The following ABCC8 variants were observed in gnomAD, a reference collection of about 807,000 sequenced individuals.
The protein encoded by ABCC8 is ATP-binding cassette sub-family C member 8.
ABCC8 carries 137 observed loss-of-function variants against 188.0 expected under a neutral mutation model. The ratio of observed to expected loss-of-function variants is 0.73; its 90% CI spans 0.63 to 0.84. ABCC8 has a LOEUF of 0.84. ABCC8 is among the 40% of genes least tolerant of loss of function. ABCC8 has a pLI of 0.00. For missense variants in ABCC8, 1,750 were observed against 2,072.7 expected (o/e 0.84, Z 3.02); for synonymous variants, 797 against 846.5 (o/e 0.94, Z 1.01).
rs2133710163 is a variant in ABCC8 at position 17,469,974 on chromosome 11, AT to A, written c.412+126del. 7.3e-6 allele frequency: 9 copies of A among 1,238,656 alleles called. No homozygotes were observed. The East Asian group carries it at 1.2e-4, about 17-fold the overall frequency. The allele number at this position is 1,238,656 out of a possible 1,614,324, so 76.7% of individuals were successfully genotyped here. A position where few individuals can be genotyped will look rare whatever the true frequency, so the allele number is the denominator to read the frequency against. On this transcript the variant is annotated intron_variant, in intron 3 of 38. Coordinates refer to ENST00000389817, the MANE Select transcript of ABCC8 (RefSeq NM_000352.6). ...GACTGTAAGCTCCATGAAGGCAGGG[AT>A]TTTTTTCTTTTTCTATTCCAAATCT...
rs1006190155 is a variant in ABCC8 at position 17,469,470 on chromosome 11, G to A, written c.412+631C>T. Among the ~76,000 whole-genome samples, 9 of 152,126 alleles carry A rather than the reference G, an allele frequency of 5.9e-5. No homozygotes were observed. The East Asian group carries it at 1.7e-3, about 29-fold the overall frequency. On this transcript the variant is annotated intron_variant, in intron 3 of 38. Transcript: ENST00000389817. Reference sequence around the variant, plus strand: ...CTCCTGTCCTGACCTCCCCATGAAAGCCCAACTTGACACTTGAGTTGGCTG... The same window carrying A: ...CTCCTGTCCTGACCTCCCCATGAAAACCCAACTTGACACTTGAGTTGGCTG...
chr11:17,450,678 T>G (rs1956779427), intron 7 of ABCC8, among the ~76,000 whole-genome samples: 1 of 133,610 alleles, frequency 7.5e-6, no homozygotes, highest in Non-Finnish European at 1.6e-5. Flanking sequence ...ATTACAGGCA[T>G]GAGCCACTTT....
chr11:17,397,279 A>T lies in ABCC8; in HGVS notation c.3902T>A (p.Leu1301Gln), dbSNP rs1246841701. 1 of 1,613,208 alleles carries T rather than the reference A, an allele frequency of 6.2e-7. No individual in the cohort carries two copies. The highest frequency in any genetic ancestry group is 2.2e-5 in the East Asian group (1 of 44,880). ...CCCCAGCTGGAGCTCCATGTCTGCCAGGTTCCTCACCATCCAGTTGAGGTA... is the reference window on the plus strand; with the variant it reads ...CCCCAGCTGGAGCTCCATGTCTGCCTGGTTCCTCACCATCCAGTTGAGGTA... ...SNYLNWMVRNLADMELQLGAV... is the reference protein window; with the variant it reads ...SNYLNWMVRNQADMELQLGAV... The change falls in exon 32 of 39, where the codon CTG becomes CAG. Residue 1301 changes from leucine to glutamine, a missense_variant. Coordinates refer to ENST00000389817, the MANE Select transcript of ABCC8 (RefSeq NM_000352.6).
chr11:17,467,042 C>CCACACACACACACACACACACACACA (rs569546580), intron 3 of ABCC8, among the ~76,000 whole-genome samples: 1 of 132,312 alleles, frequency 7.6e-6, no homozygotes, highest in Non-Finnish European at 1.6e-5. Context: ...ACATGTTAAA[C>CCACACACACACACACACACACACACA]CACACACACA....
At chr11:17,413,598 G>C (rs899885586) in intron 19 of ABCC8, 120 bp from the exon 20 acceptor site, 3 of 1,596,704 alleles carry the variant, frequency 1.9e-6, no homozygotes, top group Non-Finnish European at 1.7e-6. Context: ...GCTTTAATAG[G>C]CCTCCCGCTT....
At chr11:17,431,132 C>T (rs1363286622) in intron 11 of ABCC8, 173 bp from the exon 12 acceptor site, 3 of 1,106,812 alleles carry the variant, frequency 2.7e-6, no homozygotes, top group African/African-American at 1.6e-5. Flanking sequence ...ATGGAAACGT[C>T]CCCAACAAGT....
chr11:17,474,779 C>T (rs946010636), intron 2 of ABCC8, 107 bp downstream of exon 2: 7 of 1,296,214 alleles, frequency 5.4e-6, no homozygotes, highest in Non-Finnish European at 7.8e-6. Flanking sequence ...GATGTAGTAA[C>T]AAAAGACATG....
chr11:17,396,713 T>G, intron 33 of ABCC8: 1 of 653,152 alleles, frequency 1.5e-6, no homozygotes, highest in Non-Finnish European at 2.6e-6. Flanking sequence ...AGACAAGGCC[T>G]GAGGGCAGCA....
At chr11:17,417,826 T>C (rs1955155582) in intron 16 of ABCC8, among the ~76,000 whole-genome samples, 1 of 152,084 alleles carries the variant, frequency 6.6e-6, no homozygotes, top group Non-Finnish European at 1.5e-5. Flanking sequence ...CTTGGCTCAC[T>C]GCAACCTCCA....
chr11:17,432,094 G>A, intron 11 of ABCC8, 110 bp downstream of exon 11: 2 of 1,392,722 alleles, frequency 1.4e-6, no homozygotes, highest in Non-Finnish European at 2.0e-6. Context: ...TGGCTGTGGA[G>A]CCTGTCTTCT....
chr11:17,435,765 T>A, intron 10 of ABCC8: 2 of 1,347,694 alleles, frequency 1.5e-6, no homozygotes, highest in Non-Finnish European at 2.1e-6. Flanking sequence ...GGCCTTTTCC[T>A]AGGTCCCACA....
At chr11:17,442,634 C>T in intron 10 of ABCC8, 86 bp downstream of exon 10, 1 of 1,381,080 alleles carries the variant, frequency 7.2e-7, no homozygotes. Context: ...GCTTCTGTCC[C>T]TGCACCCCCT....
At chr11:17,462,057 T>C (rs1957214259) in intron 4 of ABCC8, among the ~76,000 whole-genome samples, 1 of 152,120 alleles carries the variant, frequency 6.6e-6, no homozygotes, top group African/African-American at 2.4e-5. Flanking sequence ...GAACCCCCCA[T>C]GGCTAGGCTG....
intron 10 of ABCC8, among the ~76,000 whole-genome samples, chr11:17,433,399 T>C (rs1955936166): frequency 3.3e-5 from 5 of 152,192 alleles, no homozygotes; most frequent in Admixed American, 3.3e-4. Context: ...AATGGCAAAG[T>C]CTTGGACACT....
intron 10 of ABCC8, chr11:17,436,171 A>G: frequency 2.7e-6 from 2 of 741,406 alleles, no homozygotes; most frequent in South Asian, 2.8e-5. Flanking sequence ...TCTCAGCAAG[A>G]GCACAGCCAT....
intron 3 of ABCC8, among the ~76,000 whole-genome samples, chr11:17,466,981 G>A (rs1848192080): frequency 6.6e-6 from 1 of 150,706 alleles, no homozygotes; most frequent in Non-Finnish European, 1.5e-5. Context: ...TATACTTAAT[G>A]CCACAGAACA....
At chr11:17,422,435 G>A (rs1427238460) in intron 16 of ABCC8, among the ~76,000 whole-genome samples, 2 of 152,142 alleles carry the variant, frequency 1.3e-5, no homozygotes, top group African/African-American at 2.4e-5. Context: ...TGTATCCATA[G>A]TGCTTTTGCT....
At chr11:17,402,828 C>T (rs1954315314) in intron 28 of ABCC8, 75 bp from the exon 29 acceptor site, 1 of 1,558,892 alleles carries the variant, frequency 6.4e-7, no homozygotes, top group African/African-American at 1.4e-5. Flanking sequence ...CCTAGCTCCA[C>T]CTGCTACCGC....
chr11:17,432,267 C>T (rs371163966), intron 10 of ABCC8, 23 bp from the exon 11 acceptor site: 32 of 1,551,754 alleles, frequency 2.1e-5, no homozygotes, highest in Admixed American at 7.8e-5. Context: ...CACAGGGAGG[C>T]GTTTAGTGGG....
Sources: gnomAD v4.1 joint callset for allele counts (sites outside exome capture counted in the v4.1 genomes callset) on GRCh38, gnomAD v4.1.1 for gene constraint, MANE v1.5 for transcripts, NCBI Gene and HGNC (gene_info 2026-07-23, HGNC 2026-07-21) for gene names.